PGCKA1: variants seen among roughly 807,000 people sequenced by gnomAD.
The protein encoded by PGCKA1 is PDCD10 and GCKIII kinases-associated protein 1.
chr4:37,549,779 A>T, the PGCKA1 span, among the ~76,000 whole-genome samples: 1 of 152,090 alleles, frequency 6.6e-6, no homozygotes, highest in Admixed American at 6.5e-5. Flanking sequence ...AAACATCAGT[A>T]GACTGGGGGC....
the PGCKA1 span, chr4:37,591,300 A>G: frequency 3.6e-6 from 1 of 280,710 alleles, no homozygotes; most frequent in African/African-American, 2.2e-5. Flanking sequence ...CAACCCTCAA[A>G]CATCTTTGAG....
chr4:37,551,409 A>T, the PGCKA1 span, among the ~76,000 whole-genome samples: 21 of 152,326 alleles, frequency 1.4e-4, no homozygotes, highest in Admixed American at 1.3e-3. Context: ...TGGACCCCCA[A>T]TTACATGCTC....
chr4:37,512,943 C>G, the PGCKA1 span, among the ~76,000 whole-genome samples: 2 of 152,054 alleles, frequency 1.3e-5, no homozygotes, highest in Non-Finnish European at 2.9e-5. Context: ...ACAAAATCAG[C>G]TGGGCGTAGT....
chr4:37,543,460 C>T, the PGCKA1 span, among the ~76,000 whole-genome samples: 1 of 152,170 alleles, frequency 6.6e-6, no homozygotes, highest in Admixed American at 6.5e-5. Context: ...TGTATACCTA[C>T]CACTGATTCA....
the PGCKA1 span, among the ~76,000 whole-genome samples, chr4:37,480,801 G>T: frequency 6.6e-6 from 1 of 152,218 alleles, no homozygotes; most frequent in African/African-American, 2.4e-5. Context: ...GAATGTTTCT[G>T]GTTGGAAATG....
the PGCKA1 span, among the ~76,000 whole-genome samples, chr4:37,490,072 A>T: frequency 6.6e-6 from 1 of 152,284 alleles, no homozygotes; most frequent in Middle Eastern, 3.4e-3. Context: ...TCAATCTAAG[A>T]TTCTTGTGAA....
the PGCKA1 span, among the ~76,000 whole-genome samples, chr4:37,490,484 C>T: frequency 3.9e-5 from 6 of 152,038 alleles, no homozygotes; most frequent in African/African-American, 1.4e-4. Context: ...AACGTCTACC[C>T]GCGTTTGTAG....
At chr4:37,464,867 G>T in the PGCKA1 span, among the ~76,000 whole-genome samples, 1 of 152,336 alleles carries the variant, frequency 6.6e-6, no homozygotes, top group South Asian at 2.1e-4. Flanking sequence ...TTAGTGTGAG[G>T]CAGAGAGGAT....
the PGCKA1 span, among the ~76,000 whole-genome samples, chr4:37,490,580 C>T: frequency 7.2e-5 from 11 of 152,292 alleles, no homozygotes; most frequent in East Asian, 2.1e-3. Flanking sequence ...AGGTCAGCAT[C>T]ACCATACGTC....
At chr4:37,461,886 T>A in the PGCKA1 span, among the ~76,000 whole-genome samples, 1 of 151,992 alleles carries the variant, frequency 6.6e-6, no homozygotes, top group Admixed American at 6.6e-5. Context: ...TCAAAGCACC[T>A]TCCATGGGAC....
the PGCKA1 span, among the ~76,000 whole-genome samples, chr4:37,467,642 A>G: frequency 6.6e-6 from 1 of 152,222 alleles, no homozygotes; most frequent in African/African-American, 2.4e-5. Context: ...CAAGACCAAG[A>G]CTAGAACCAA....
At chr4:37,454,299 A>T in the PGCKA1 span, among the ~76,000 whole-genome samples, 1 of 152,134 alleles carries the variant, frequency 6.6e-6, no homozygotes, top group Non-Finnish European at 1.5e-5. Flanking sequence ...CAGATTCCCA[A>T]AACCAAAGAC....
chr4:37,512,385 A>G, the PGCKA1 span, among the ~76,000 whole-genome samples: 1 of 152,090 alleles, frequency 6.6e-6, no homozygotes, highest in Non-Finnish European at 1.5e-5. Context: ...AGACACTAAA[A>G]ATCAAGTCCC....
the PGCKA1 span, chr4:37,590,017 G>A: frequency 9.3e-7 from 1 of 1,076,242 alleles, no homozygotes; most frequent in Non-Finnish European, 1.4e-6. Context: ...ATCGTAGAAA[G>A]AAGCAGGGCC....
the PGCKA1 span, among the ~76,000 whole-genome samples, chr4:37,467,245 T>C: frequency 2.0e-5 from 3 of 152,228 alleles, no homozygotes; most frequent in Non-Finnish European, 4.4e-5. Flanking sequence ...TAGTGTTTCA[T>C]TTTAATAAAA....
the PGCKA1 span, among the ~76,000 whole-genome samples, chr4:37,522,800 G>A: frequency 2.6e-5 from 4 of 152,014 alleles, no homozygotes; most frequent in East Asian, 7.8e-4. Flanking sequence ...CTGGAACAGG[G>A]GCCTCAGGAC....
chr4:37,503,374 G>T, the PGCKA1 span, among the ~76,000 whole-genome samples: 4 of 152,166 alleles, frequency 2.6e-5, no homozygotes, highest in African/African-American at 7.2e-5. Context: ...TCTGTTAGGA[G>T]TGTGCCCATC....
the PGCKA1 span, among the ~76,000 whole-genome samples, chr4:37,582,531 C>T: frequency 0.017 from 2,632 of 152,340 alleles, 46 homozygotes; most frequent in South Asian, 0.048. Flanking sequence ...TCTCTTAAAT[C>T]TCCTTGAATT....
At chr4:37,488,284 T>G in the PGCKA1 span, among the ~76,000 whole-genome samples, 2 of 152,208 alleles carry the variant, frequency 1.3e-5, no homozygotes, top group Non-Finnish European at 2.9e-5. Flanking sequence ...TTCAAACCAG[T>G]GTATTAAGAC....
Sources: allele counts gnomAD v4.1 joint callset (sites outside exome capture counted in the v4.1 genomes callset), GRCh38; gene constraint gnomAD v4.1.1; transcripts MANE v1.5; gene names NCBI Gene and HGNC (gene_info 2026-07-23, HGNC 2026-07-21).